The following PSD3 variants were observed in gnomAD, a reference collection of about 807,000 sequenced individuals.
PSD3 encodes the protein PH and SEC7 domain-containing protein 3.
PSD3 carries 49 observed loss-of-function variants against 105.5 expected under a neutral mutation model. The ratio of observed to expected loss-of-function variants is 0.46; its 90% CI spans 0.37 to 0.59. The LOEUF is 0.59. Among genes scored for constraint, PSD3 ranks in the 20% least tolerant of loss-of-function variants. PSD3 has a pLI of 0.00. For synonymous variants in PSD3, 557 were observed against 457.8 expected (o/e 1.22, Z -2.77); for missense variants, 1,561 against 1,263.8 (o/e 1.24, Z -3.57).
rs35054412 is a variant in PSD3, at chr8:19,035,663, A to T, written c.324+48543T>A. Among the ~76,000 whole-genome samples the T allele has an allele frequency of 5.5e-3, 836 of 151,680 alleles. 2 individuals carry two copies. The highest frequency in any genetic ancestry group is 8.8e-3 in the Non-Finnish European group (596 of 67,892). Reference sequence around the variant, plus strand: ...TCCCAAAGTTACGTTTTTTTTGGCCAAATTTTAACCAACATTATACACTCA... The same window carrying T: ...TCCCAAAGTTACGTTTTTTTTGGCCTAATTTTAACCAACATTATACACTCA... On this transcript the variant is annotated intron_variant, in intron 1 of 1. Coordinates refer to the PSD3 transcript ENST00000521475.
At chr8:18,737,823 C>T (rs915203625) in intron 9 of PSD3, among the ~76,000 whole-genome samples, 1 of 152,140 alleles carries the variant, frequency 6.6e-6, no homozygotes, top group South Asian at 2.1e-4. Context: ...AGTCTTGCAT[C>T]ATGGGGTTTA....
chr8:18,812,205 A>C (rs1243166839), intron 4 of PSD3, among the ~76,000 whole-genome samples: 1 of 152,194 alleles, frequency 6.6e-6, no homozygotes, highest in Non-Finnish European at 1.5e-5. Flanking sequence ...AGCTGTTCAC[A>C]TGATGTTTGA....
chr8:18,736,391 C>T (rs1490454364), intron 9 of PSD3, among the ~76,000 whole-genome samples: 9 of 152,296 alleles, frequency 5.9e-5, no homozygotes, highest in Admixed American at 5.9e-4. Flanking sequence ...TAATGCCTGG[C>T]ACACCATGAA....
intron 9 of PSD3, among the ~76,000 whole-genome samples, chr8:18,765,093 T>C (rs917429176): frequency 6.6e-6 from 1 of 152,206 alleles, no homozygotes; most frequent in Middle Eastern, 3.2e-3. Context: ...GTTTCCATTA[T>C]AGCCTGCAAA....
intron 4 of PSD3, among the ~76,000 whole-genome samples, chr8:18,840,208 C>T (rs899065122): frequency 2.0e-5 from 3 of 152,150 alleles, no homozygotes; most frequent in Admixed American, 6.5e-5. Context: ...CAAATGTCCC[C>T]CCCACATCAT....
intron 10 of PSD3, among the ~76,000 whole-genome samples, chr8:18,652,645 A>C (rs1300259879): frequency 2.0e-5 from 3 of 151,762 alleles, no homozygotes; most frequent in Middle Eastern, 3.4e-3. Flanking sequence ...TTACAAGTGC[A>C]CGCCACCACG....
At chr8:19,009,320 C>A (rs913482226) in intron 1 of PSD3, among the ~76,000 whole-genome samples, 1 of 152,166 alleles carries the variant, frequency 6.6e-6, no homozygotes, top group African/African-American at 2.4e-5. Context: ...TTCTGCAACA[C>A]GCAATGCTAA....
chr8:18,725,577 G>C (rs1210763644), intron 9 of PSD3, among the ~76,000 whole-genome samples: 1 of 152,100 alleles, frequency 6.6e-6, no homozygotes, highest in East Asian at 1.9e-4. Flanking sequence ...GAGAGACGGG[G>C]ACATCTAAAA....
rs1339897600 is a variant in PSD3, at chr8:18,666,724, TGG to T, written c.2173-11041_2173-11040del. On this transcript the variant is annotated intron_variant, in intron 9 of 15. Coordinates refer to ENST00000327040, the MANE Select transcript of PSD3 (RefSeq NM_015310.4). The stretch of plus-strand genomic sequence containing the variant: ...ATGTAGCTTCACTATTGCTTTTTTT[TGG>T]GGGGTGGGGGGAAGTAGCTGGAAGC... Among the ~76,000 whole-genome samples the T allele has an allele frequency of 2.2e-5, 3 of 136,316 alleles. No homozygotes were observed. In the Admixed American group the frequency reaches 2.4e-4, roughly 11 times the overall value. 89.4% of individuals were successfully genotyped at this position (136,316 alleles called of 152,430 possible). A position where few individuals can be genotyped will look rare whatever the true frequency, so the allele number is the denominator to read the frequency against.
At chr8:18,936,170 C>T (rs1406454249) in intron 1 of PSD3, 28 bp from the exon 2 acceptor site, 5 of 1,456,284 alleles carry the variant, frequency 3.4e-6, no homozygotes, top group African/African-American at 1.4e-5. Context: ...AACAAAGACA[C>T]ATTTAAAATA....
At chr8:18,661,130 T>C (rs1280482888) in intron 9 of PSD3, among the ~76,000 whole-genome samples, 1 of 152,198 alleles carries the variant, frequency 6.6e-6, no homozygotes, top group East Asian at 1.9e-4. Context: ...GCACAGTTGA[T>C]GGAATTCGTG....
At chr8:18,944,588 AAATAAAT>A (rs1297944409) in intron 1 of PSD3, among the ~76,000 whole-genome samples, 76 of 105,512 alleles carry the variant, frequency 7.2e-4, no homozygotes, top group African/African-American at 2.5e-3. Flanking sequence ...ATAAATAAAT[AAATAAAT>A]AAATAAATAA....
At chr8:19,009,396 C>G (rs1826853739) in intron 1 of PSD3, among the ~76,000 whole-genome samples, 2 of 152,178 alleles carry the variant, frequency 1.3e-5, no homozygotes, top group Non-Finnish European at 2.9e-5. Flanking sequence ...AGTCTCAGCT[C>G]TGCCACTTAC....
chr8:18,546,609 C>T (rs1178510426), intron 15 of PSD3, among the ~76,000 whole-genome samples: 2 of 152,078 alleles, frequency 1.3e-5, no homozygotes, highest in Non-Finnish European at 2.9e-5. Context: ...ATTAATTTCA[C>T]CTGTTTCATC....
intron 8 of PSD3, among the ~76,000 whole-genome samples, chr8:18,791,969 C>T (rs1809764583): frequency 6.6e-6 from 1 of 152,082 alleles, no homozygotes; most frequent in African/African-American, 2.4e-5. Context: ...ATGAAAACAA[C>T]CTTAATATCA....
chr8:18,755,404 T>C (rs149970844), intron 9 of PSD3, among the ~76,000 whole-genome samples: 6,951 of 150,558 alleles, frequency 0.046, 220 homozygotes, highest in Non-Finnish European at 0.07. Flanking sequence ...CACTCCTGCC[T>C]GGGCAACAGA....
chr8:18,845,249 C>T (rs1281444866), intron 4 of PSD3, among the ~76,000 whole-genome samples: 1 of 152,158 alleles, frequency 6.6e-6, no homozygotes, highest in East Asian at 1.9e-4. Flanking sequence ...GGGTATTGAT[C>T]ATAGATATGA....
At chr8:18,796,186 T>C (rs1228749658) in intron 8 of PSD3, among the ~76,000 whole-genome samples, 2 of 152,166 alleles carry the variant, frequency 1.3e-5, no homozygotes, top group Non-Finnish European at 2.9e-5. Context: ...ATATTGTATA[T>C]ACTTCAGATT....
At chr8:18,631,577 G>T (rs1198574384) in intron 11 of PSD3, among the ~76,000 whole-genome samples, 2 of 151,582 alleles carry the variant, frequency 1.3e-5, no homozygotes, top group Non-Finnish European at 2.9e-5. Flanking sequence ...TCCATCTTCA[G>T]GTGTGCCCTT....
Sources: gnomAD v4.1 joint callset for allele counts (sites outside exome capture counted in the v4.1 genomes callset) on GRCh38, gnomAD v4.1.1 for gene constraint, MANE v1.5 for transcripts, NCBI Gene and HGNC (gene_info 2026-07-23, HGNC 2026-07-21) for gene names.